CNTNAP5: variants seen among roughly 807,000 people sequenced by gnomAD.
The protein encoded by CNTNAP5 is contactin-associated protein-like 5.
Under a neutral mutation model 150.2 loss-of-function variants are expected in CNTNAP5, and 72 were observed. The ratio of observed to expected loss-of-function variants is 0.48; its 90% confidence interval spans 0.40 to 0.58. CNTNAP5 has a LOEUF of 0.58. Among genes scored for constraint, CNTNAP5 ranks in the 20% least tolerant of loss-of-function variants. The pLI, the probability that CNTNAP5 is intolerant of heterozygous loss-of-function variation, is 0.00. For missense variants in CNTNAP5, 1,636 were observed against 1,626.2 expected, an observed-to-expected ratio of 1.01 and a Z score of -0.10; for synonymous variants, 672 against 619.8, an observed-to-expected ratio of 1.08 and a Z score of -1.25.
At chr2:124,736,974 T>C (rs2105133389) in intron 13 of CNTNAP5, among the ~76,000 whole-genome samples, 1 of 152,172 alleles carries the variant, frequency 6.6e-6, no homozygotes, top group African/African-American at 2.4e-5. Flanking sequence ...ACAAAAATAA[T>C]GATTTCAGGT....
chr2:124,242,240 G>C lies in CNTNAP5; in HGVS notation c.228G>C (p.Gln76His), dbSNP rs756084592. Residue 76 changes from glutamine to histidine, a missense_variant, in exon 3 of 24, where the codon CAG becomes CAC. Gln to His is a conservative substitution (Grantham distance 24). Transcript: ENST00000682447. Reference sequence around the variant, plus strand: ...CCCCAGCAGATTCCAATGCTCAACAGTGGCTCCAGATGGACCTGGGAAACA... The same window carrying C: ...CCCCAGCAGATTCCAATGCTCAACACTGGCTCCAGATGGACCTGGGAAACA... Reference protein sequence around the residue: ...GWSPADSNAQQWLQMDLGNRV... With the variant: ...GWSPADSNAQHWLQMDLGNRV... 2.5e-6 allele frequency: 4 copies of C among 1,601,628 alleles called. No homozygotes were observed. The highest frequency in any genetic ancestry group is 3.4e-6 in the Non-Finnish European group (4 of 1,173,440).
chr2:124,779,237 G>C (rs1270961836), intron 17 of CNTNAP5, among the ~76,000 whole-genome samples: 2 of 152,218 alleles, frequency 1.3e-5, no homozygotes, highest in Admixed American at 6.5e-5. Flanking sequence ...GAGCCAGAGT[G>C]CAAAGGCACA....
At chr2:124,164,243 G>A (rs146697281) in intron 1 of CNTNAP5, among the ~76,000 whole-genome samples, 52 of 152,290 alleles carry the variant, frequency 3.4e-4, no homozygotes, top group Non-Finnish European at 6.5e-4. Context: ...AGGGATGCAG[G>A]CAGTAAGAAT....
At chr2:124,519,505 C>G (rs1322145969) in intron 8 of CNTNAP5, among the ~76,000 whole-genome samples, 4 of 152,214 alleles carry the variant, frequency 2.6e-5, no homozygotes, top group Admixed American at 6.5e-5. Context: ...AAAAGGAGCT[C>G]AGCTCCAGTA....
At chr2:124,066,249 G>T (rs1176622252) in intron 1 of CNTNAP5, among the ~76,000 whole-genome samples, 3 of 152,168 alleles carry the variant, frequency 2.0e-5, no homozygotes, top group Admixed American at 2.0e-4. Flanking sequence ...ACTCTGGACT[G>T]TTTCTGTTTA....
rs867422083 is a variant in CNTNAP5 at position 124,517,925 on chromosome 2, G to T, written c.1328-6378G>T. Reference sequence around the variant, plus strand: ...ATTGGTGAAGAGGGGTTGTGGTGTTGGTGATGGAGGGTGATGATGTTTATA... The same window carrying T: ...ATTGGTGAAGAGGGGTTGTGGTGTTTGTGATGGAGGGTGATGATGTTTATA... On this transcript the variant is annotated intron_variant, in intron 8 of 23. Transcript: ENST00000682447. Among the ~76,000 whole-genome samples the T allele has an allele frequency of 4.0e-5, 6 of 151,852 alleles. No individual in the cohort carries two copies. The South Asian group carries it at 1.3e-3, about 32-fold the overall frequency.
chr2:124,911,643 C>G, intron 23 of CNTNAP5, 105 bp downstream of exon 23: 1 of 852,708 alleles, frequency 1.2e-6, no homozygotes, highest in African/African-American at 1.7e-5. Flanking sequence ...GCACTCAGAG[C>G]CCCCTACATT....
chr2:124,511,887 C>T (rs972822389), intron 8 of CNTNAP5, among the ~76,000 whole-genome samples: 4 of 150,816 alleles, frequency 2.7e-5, no homozygotes, highest in African/African-American at 9.8e-5. Context: ...CTCTTCACAA[C>T]CTGTAGAGAA....
At chr2:124,789,232 G>GTGC (rs1681665197) in intron 17 of CNTNAP5, among the ~76,000 whole-genome samples, 1 of 152,178 alleles carries the variant, frequency 6.6e-6, no homozygotes, top group African/African-American at 2.4e-5. Flanking sequence ...AGATGAAAGT[G>GTGC]TGCTGTGGAC....
In CNTNAP5 at chr2:124,586,493, T is replaced by C. The variant is rs568040187; in HGVS notation, c.1756+23170T>C. On this transcript the variant is annotated intron_variant, in intron 11 of 23. Coordinates refer to ENST00000682447, the MANE Select transcript of CNTNAP5 (RefSeq NM_001367498.1). The stretch of plus-strand genomic sequence containing the variant: ...TGAGTTGCTTTCCTGTTTTTGTTTT[T>C]AGCTTTTTTATGTATAAAATGAAGA... Among the ~76,000 whole-genome samples the C allele has an allele frequency of 3.9e-5, 6 of 152,326 alleles. No homozygotes were observed. The South Asian group carries it at 1.0e-3, about 26-fold the overall frequency.
chr2:124,775,788 C>T (rs114333333), intron 17 of CNTNAP5, among the ~76,000 whole-genome samples: 1 of 152,300 alleles, frequency 6.6e-6, no homozygotes, highest in African/African-American at 2.4e-5. Flanking sequence ...CAACATGCAG[C>T]TTCTGAAATG....
chr2:124,156,721 T>G (rs541991355), intron 1 of CNTNAP5, among the ~76,000 whole-genome samples: 1 of 152,252 alleles, frequency 6.6e-6, no homozygotes, highest in South Asian at 2.1e-4. Context: ...TCACCTCACC[T>G]TAGGTGATCC....
intron 22 of CNTNAP5, among the ~76,000 whole-genome samples, chr2:124,910,704 G>A (rs2104768055): frequency 6.6e-6 from 1 of 151,932 alleles, no homozygotes; most frequent in South Asian, 2.1e-4. Flanking sequence ...TGCCAAAGGG[G>A]AACAACAATA....
At chr2:124,630,325 C>A (rs1388023091) in intron 12 of CNTNAP5, among the ~76,000 whole-genome samples, 1 of 152,040 alleles carries the variant, frequency 6.6e-6, no homozygotes. Flanking sequence ...AAATCTCCAA[C>A]AAAATACTGG....
At chr2:124,790,446 T>C (rs1308110348) in intron 18 of CNTNAP5, among the ~76,000 whole-genome samples, 1 of 151,826 alleles carries the variant, frequency 6.6e-6, no homozygotes, top group African/African-American at 2.4e-5. Flanking sequence ...GTGAACACAT[T>C]AATATTTCCA....
At chr2:124,536,975 T>A (rs2104901313) in intron 10 of CNTNAP5, among the ~76,000 whole-genome samples, 1 of 152,084 alleles carries the variant, frequency 6.6e-6, no homozygotes, top group South Asian at 2.1e-4. Context: ...TAATAGTGAA[T>A]CTTTAAATAA....
chr2:124,286,782 G>A (rs2104629173), intron 3 of CNTNAP5, among the ~76,000 whole-genome samples: 1 of 152,238 alleles, frequency 6.6e-6, no homozygotes, highest in East Asian at 1.9e-4. Flanking sequence ...TCCAGTTCAG[G>A]GTTTGCACTG....
intron 3 of CNTNAP5, among the ~76,000 whole-genome samples, chr2:124,260,987 A>C (rs776792857): frequency 6.6e-6 from 1 of 152,206 alleles, no homozygotes; most frequent in Non-Finnish European, 1.5e-5. Context: ...GCATCTTGAG[A>C]GATAATTTTA....
At chr2:124,323,177 A>G in intron 3 of CNTNAP5, among the ~76,000 whole-genome samples, 1 of 152,294 alleles carries the variant, frequency 6.6e-6, no homozygotes, top group South Asian at 2.1e-4. Context: ...TGTGTGCCCA[A>G]GCGGGTCAGG....
Sources: allele counts gnomAD v4.1 joint callset (sites outside exome capture counted in the v4.1 genomes callset), GRCh38; gene constraint gnomAD v4.1.1; transcripts MANE v1.5; gene names NCBI Gene and HGNC (gene_info 2026-07-23, HGNC 2026-07-21).